Variants in TMEM132C observed in about 807,000 individuals in gnomAD.
TMEM132C encodes protein phosphatase 1, regulatory subunit 152.
In TMEM132C, 29 loss-of-function variants were observed where a neutral mutation model predicts 61.4. The observed-to-expected ratio is 0.47, with a 90% CI of 0.35 to 0.64. The LOEUF is 0.64. TMEM132C is among the 30% of genes least tolerant of loss of function. TMEM132C has a pLI of 0.00. For synonymous variants in TMEM132C, 656 were observed against 633.1 expected, an observed-to-expected ratio of 1.04 and a Z score of -0.54; for missense variants, 1,408 against 1,476.9, an observed-to-expected ratio of 0.95 and a Z score of 0.76.
intron 1 of TMEM132C, among the ~76,000 whole-genome samples, chr12:128,279,473 G>A (rs1870811910): frequency 6.6e-6 from 1 of 152,164 alleles, no homozygotes; most frequent in Admixed American, 6.5e-5. Flanking sequence ...ATCACATTCA[G>A]AGGTAATACC....
chr12:128,313,986 T>G (rs1271041961), intron 1 of TMEM132C, among the ~76,000 whole-genome samples: 10 of 152,210 alleles, frequency 6.6e-5, no homozygotes, highest in Non-Finnish European at 1.3e-4. Flanking sequence ...CTCCTGCAAG[T>G]TGTCTGAGAA....
At chr12:128,690,324 TC>T (rs1379960675) in intron 5 of TMEM132C, among the ~76,000 whole-genome samples, 1 of 152,188 alleles carries the variant, frequency 6.6e-6, no homozygotes, top group African/African-American at 2.4e-5. Flanking sequence ...GGGTTTTGGT[TC>T]CTTTTTGTAG....
At chr12:128,561,496 A>G (rs751302730) in intron 3 of TMEM132C, among the ~76,000 whole-genome samples, 1 of 152,208 alleles carries the variant, frequency 6.6e-6, no homozygotes, top group African/African-American at 2.4e-5. Flanking sequence ...AAGGTCTTAG[A>G]GGAAGCACCT....
At chr12:128,682,470 G>A (rs1158330094) in intron 5 of TMEM132C, among the ~76,000 whole-genome samples, 2 of 152,184 alleles carry the variant, frequency 1.3e-5, no homozygotes, top group African/African-American at 4.8e-5. Flanking sequence ...TGGGAGAACG[G>A]GGTACTCTCT....
chr12:128,553,760 A>G (rs1372123375), intron 3 of TMEM132C, among the ~76,000 whole-genome samples: 1 of 152,050 alleles, frequency 6.6e-6, no homozygotes, highest in Admixed American at 6.6e-5. Context: ...GCCCTTCCTA[A>G]CTTTATTTTG....
intron 1 of TMEM132C, among the ~76,000 whole-genome samples, chr12:128,360,653 T>G (rs1018800323): frequency 3.3e-5 from 5 of 152,102 alleles, no homozygotes; most frequent in Non-Finnish European, 5.9e-5. Flanking sequence ...TGCAATAACT[T>G]GACCGTGGTG....
At chr12:128,381,325 A>G (rs1032294721) in intron 1 of TMEM132C, among the ~76,000 whole-genome samples, 5 of 152,152 alleles carry the variant, frequency 3.3e-5, no homozygotes, top group South Asian at 4.1e-4. Context: ...TTGACTGTGA[A>G]TCCATCTGGT....
intron 2 of TMEM132C, among the ~76,000 whole-genome samples, chr12:128,526,115 A>G (rs1213394311): frequency 6.6e-6 from 1 of 152,092 alleles, no homozygotes; most frequent in East Asian, 1.9e-4. Flanking sequence ...AAATTAACCA[A>G]CAAATATTTT....
rs182872864 is a variant in TMEM132C at position 128,656,306 on chromosome 12, C to T, written c.1306-13111C>T. Among the ~76,000 whole-genome samples, 6 of 152,332 alleles carry T rather than the reference C, an allele frequency of 3.9e-5. No homozygotes were observed. The East Asian group carries it at 9.6e-4, about 24-fold the overall frequency. ...CCTCAAGTGATCTGTCCACCTCGGCCTCCCAAAGTGCTGGGATTACAGACG... is the reference window on the plus strand; with the variant it reads ...CCTCAAGTGATCTGTCCACCTCGGCTTCCCAAAGTGCTGGGATTACAGACG... On this transcript the variant is annotated intron_variant, in intron 4 of 8. Transcript: ENST00000435159.
Position 128,356,204 on chromosome 12 carries a change from G to A in TMEM132C, c.86-58528G>A, listed in dbSNP as rs371852779. ...TTCGGGGCCAGGTTGTATGGAAAAC[G>A]CACCTTTAAAGACTAGAATAAGCAA... On this transcript the variant is annotated intron_variant, in intron 1 of 8. Coordinates refer to ENST00000435159, the MANE Select transcript of TMEM132C (RefSeq NM_001136103.3). Among the ~76,000 whole-genome samples the A allele has an allele frequency of 2.4e-4, 37 of 152,308 alleles. No homozygotes were observed. In the East Asian group the frequency reaches 2.9e-3, roughly 12 times the overall value.
At chr12:128,599,298 T>C (rs77837515) in intron 3 of TMEM132C, among the ~76,000 whole-genome samples, 1,934 of 152,320 alleles carry the variant, frequency 0.013, 51 homozygotes, top group East Asian at 0.087. Context: ...GAATTAAATC[T>C]CTGCTGCAGA....
Position 128,339,677 on chromosome 12 carries a change from T to TA in TMEM132C, c.85+72204dup, listed in dbSNP as rs35420656. On this transcript the variant is annotated intron_variant, in intron 1 of 8. Coordinates refer to ENST00000435159, the MANE Select transcript of TMEM132C (RefSeq NM_001136103.3). Reference sequence around the variant, plus strand: ...CTCCCCAAGTCCCAAACACCAGTACTAAAAAAAAAAAAAAGCTCTTGGCAG... The same window carrying TA: ...CTCCCCAAGTCCCAAACACCAGTACTAAAAAAAAAAAAAAAGCTCTTGGCAG... 3.6e-3 allele frequency among the ~76,000 whole-genome samples: 495 copies of TA among 135,940 alleles called. 4 individuals carry two copies. The highest frequency in any genetic ancestry group is 0.021 in the East Asian group (96 of 4,654). 89.2% of individuals were successfully genotyped at this position (135,940 alleles called of 152,430 possible).
chr12:128,344,863 C>G (rs1246793359), intron 1 of TMEM132C, among the ~76,000 whole-genome samples: 2 of 151,240 alleles, frequency 1.3e-5, no homozygotes, highest in Non-Finnish European at 2.9e-5. Context: ...AAGCAAAACA[C>G]AAACCATACA....
At chr12:128,477,257 G>T (rs1185978450) in intron 2 of TMEM132C, among the ~76,000 whole-genome samples, 2 of 152,176 alleles carry the variant, frequency 1.3e-5, no homozygotes, top group African/African-American at 4.8e-5. Flanking sequence ...GATGCACTTT[G>T]CACTGTAAAT....
chr12:128,424,612 G>T (rs1869116351), intron 2 of TMEM132C, among the ~76,000 whole-genome samples: 1 of 152,172 alleles, frequency 6.6e-6, no homozygotes, highest in Admixed American at 6.5e-5. Context: ...TGGGTTTGGG[G>T]TTTCTTTCTG....
At chr12:128,466,310 A>G (rs1276421698) in intron 2 of TMEM132C, among the ~76,000 whole-genome samples, 1 of 152,196 alleles carries the variant, frequency 6.6e-6, no homozygotes, top group Non-Finnish European at 1.5e-5. Context: ...AGAGGGAAGA[A>G]ATACTGTAGC....
intron 1 of TMEM132C, among the ~76,000 whole-genome samples, chr12:128,321,147 TAATAATA>T (rs1218643627): frequency 7.7e-6 from 1 of 130,716 alleles, no homozygotes; most frequent in Non-Finnish European, 1.7e-5. Flanking sequence ...AAAATAATAA[TAATAATA>T]ATAATAATAA....
At chr12:128,445,451 C>T (rs1869946377) in intron 2 of TMEM132C, among the ~76,000 whole-genome samples, 1 of 152,158 alleles carries the variant, frequency 6.6e-6, no homozygotes, top group African/African-American at 2.4e-5. Context: ...TAGGCAGAGC[C>T]AGCCCCGTGT....
At chr12:128,541,915 G>T (rs1053401310) in intron 2 of TMEM132C, among the ~76,000 whole-genome samples, 1 of 152,176 alleles carries the variant, frequency 6.6e-6, no homozygotes, top group African/African-American at 2.4e-5. Flanking sequence ...ACATGGGGTT[G>T]TGGGGTCCCT....
Sources: allele counts gnomAD v4.1 joint callset (sites outside exome capture counted in the v4.1 genomes callset), GRCh38; gene constraint gnomAD v4.1.1; transcripts MANE v1.5; gene names NCBI Gene and HGNC (gene_info 2026-07-23, HGNC 2026-07-21).